MICAL3: variants seen among roughly 807,000 people sequenced by gnomAD.
MICAL3 encodes microtubule associated monooxygenase, calponin and LIM domain containing 3, also known as [F-actin]-monooxygenase MICAL3.
MICAL3 carries 62 observed loss-of-function variants against 207.4 expected under a neutral mutation model. That is an observed-to-expected ratio of 0.30 (90% CI 0.24 to 0.37). MICAL3 has a LOEUF of 0.37. Among genes scored for constraint, MICAL3 ranks in the 10% least tolerant of loss-of-function variants. The probability of loss-of-function intolerance (pLI) is 1.00; values close to 1 mark genes in which losing one functional copy is unlikely to be tolerated. For missense variants in MICAL3, 2,368 were observed against 2,635.6 expected, an observed-to-expected ratio of 0.90 and a Z score of 2.22; for synonymous variants, 1,077 against 1,069.3, an observed-to-expected ratio of 1.01 and a Z score of -0.14.
Position 17,790,751 on chromosome 22 carries a change from A to C in MICAL3, c.5990T>G (p.Phe1997Cys). 1 of 1,606,242 alleles carries C rather than the reference A, an allele frequency of 6.2e-7. No individual in the cohort carries two copies. Among genetic ancestry groups the C allele is most frequent in the African/African-American group, 1.3e-5 (1 of 74,854 alleles). ...DLEAAMLSKG[F>C]SLNWS ...GGGAGCTCAGGACCAGTTAAGGCTG[A>C]AGCCCTTGGACAGCATGGCAGCCTC... is the stretch of plus-strand genomic sequence containing the variant. The change falls in exon 32 of 32, where the codon TTC becomes TGC. Residue 1997 changes from phenylalanine (F) to cysteine (C), a missense_variant. Physicochemically the swap from Phe to Cys is radical, Grantham distance 205 (BLOSUM62 -2). Around this residue, in one of 4 missense-constraint regions of MICAL3, gnomAD observed 1,770 missense variants for 1,863.2 expected, o/e 0.95. Transcript: ENST00000441493.
intron 17 of MICAL3, among the ~76,000 whole-genome samples, chr22:17,866,651 AATAGAATAGAATAGAAT>A (rs1474063122): frequency 6.6e-6 from 1 of 150,670 alleles, no homozygotes; most frequent in East Asian, 2.0e-4. Flanking sequence ...AATAGAATAG[AATAGAATAGAATAGAAT>A]ATAGAATAGA....
chr22:17,950,605 G>A (rs981422510), intron 1 of MICAL3, among the ~76,000 whole-genome samples: 1 of 152,136 alleles, frequency 6.6e-6, no homozygotes, highest in Non-Finnish European at 1.5e-5. Context: ...CCAAAGTGCT[G>A]GGATTACAGG....
At chr22:17,800,820 T>C (rs1601925983) in intron 29 of MICAL3, among the ~76,000 whole-genome samples, 2 of 152,170 alleles carry the variant, frequency 1.3e-5, no homozygotes, top group African/African-American at 4.8e-5. Context: ...AAAGGGTGAT[T>C]TTCCCTCCAA....
At chr22:17,988,838 G>C (rs984323758) in intron 1 of MICAL3, among the ~76,000 whole-genome samples, 3 of 152,126 alleles carry the variant, frequency 2.0e-5, no homozygotes, top group Admixed American at 1.3e-4. Flanking sequence ...TAAAATTTAA[G>C]TTTCAGAGGC....
At chr22:17,926,580 C>T (rs940440923) in intron 1 of MICAL3, among the ~76,000 whole-genome samples, 12 of 152,192 alleles carry the variant, frequency 7.9e-5, no homozygotes, top group Admixed American at 2.0e-4. Context: ...CAAAATAGAA[C>T]CCCATCTTCC....
chr22:17,854,503 GACCA>G (rs1288610754), intron 19 of MICAL3, among the ~76,000 whole-genome samples: 1 of 152,082 alleles, frequency 6.6e-6, no homozygotes, highest in African/African-American at 2.4e-5. Context: ...GTACATGGAG[GACCA>G]ACCGAGAACT....
At chr22:17,914,829 C>A (rs2146285155) in intron 1 of MICAL3, among the ~76,000 whole-genome samples, 1 of 152,330 alleles carries the variant, frequency 6.6e-6, no homozygotes, top group Non-Finnish European at 1.5e-5. Context: ...AGTTGGCATT[C>A]TGCGGCAGGC....
intron 1 of MICAL3, among the ~76,000 whole-genome samples, chr22:17,962,026 T>C (rs1322262661): frequency 6.6e-6 from 1 of 152,108 alleles, no homozygotes; most frequent in Non-Finnish European, 1.5e-5. Context: ...GAAAAATGGG[T>C]TCAAAATGAG....
At chr22:17,825,640 G>A (rs1922098194) in intron 22 of MICAL3, among the ~76,000 whole-genome samples, 1 of 152,218 alleles carries the variant, frequency 6.6e-6, no homozygotes, top group Non-Finnish European at 1.5e-5. Context: ...CCGCATCCCA[G>A]AAGTGACCGC....
chr22:18,017,139 C>G (rs1325906863), intron 1 of MICAL3, among the ~76,000 whole-genome samples: 1 of 152,168 alleles, frequency 6.6e-6, no homozygotes, highest in Non-Finnish European at 1.5e-5. Flanking sequence ...GTCCTTGAGT[C>G]TCTGCCTCTC....
At chr22:18,019,374 T>C in intron 1 of MICAL3, 1 of 155,632 alleles carries the variant, frequency 6.4e-6, no homozygotes. Context: ...ATTATGTCGG[T>C]TGGAAATAAG....
intron 1 of MICAL3, among the ~76,000 whole-genome samples, chr22:17,944,841 A>G (rs1479006632): frequency 6.6e-6 from 1 of 152,146 alleles, no homozygotes; most frequent in African/African-American, 2.4e-5. Context: ...AGATGGGAGA[A>G]GAGGCTGAGG....
At chr22:17,905,580 T>C (rs1256022061) in intron 2 of MICAL3, among the ~76,000 whole-genome samples, 1 of 152,224 alleles carries the variant, frequency 6.6e-6, no homozygotes, top group Non-Finnish European at 1.5e-5. Flanking sequence ...ATTTTGCTGA[T>C]GAATATCTAC....
At chr22:17,795,401 C>T (rs768218681) in intron 29 of MICAL3, among the ~76,000 whole-genome samples, 2 of 152,184 alleles carry the variant, frequency 1.3e-5, no homozygotes, top group South Asian at 2.1e-4. Context: ...TGCTGTGGAG[C>T]GGAACAGCGC....
chr22:18,013,495 C>T (rs1923870258), intron 1 of MICAL3, among the ~76,000 whole-genome samples: 2 of 152,198 alleles, frequency 1.3e-5, no homozygotes, highest in Admixed American at 1.3e-4. Flanking sequence ...CCAAGTCTGT[C>T]TGATGTGGGG....
At chr22:17,866,148 C>T (rs553833807) in intron 17 of MICAL3, 136 bp from the exon 18 acceptor site, 2 of 688,430 alleles carry the variant, frequency 2.9e-6, no homozygotes, top group Admixed American at 2.1e-5. Flanking sequence ...TCCCTGGGCC[C>T]AGCTTTCTTG....
intron 16 of MICAL3, among the ~76,000 whole-genome samples, chr22:17,874,488 CTGAACTAAACCATCTGGGTTTAGT>C (rs973030775): frequency 4.2e-4 from 64 of 152,314 alleles, no homozygotes; most frequent in African/African-American, 1.2e-3. Context: ...CCCTTTTCTC[CTGAACTAAACCATCTGGGTTTAGT>C]TGAACTAAAC....
chr22:17,911,543 G>A (rs118186439), intron 1 of MICAL3, among the ~76,000 whole-genome samples: 1,849 of 152,106 alleles, frequency 0.012, 20 homozygotes, highest in South Asian at 0.023. Context: ...TCTTGAAAGC[G>A]GGTGGAAGGC....
rs746178706 is a variant in MICAL3, at chr22:17,818,167, G to C, written c.4494C>G (p.Pro1498=). ...CTCTGGGGGGCTGAGCAGGCTCCCG[G>C]GGGGGCCGCATCCAGGTGGCGGGCA... ...PPLPATWMRP[P]REPAQPPREE... The change falls in exon 26 of 32, where the codon CCC becomes CCG. Residue 1498 remains proline (P), a synonymous_variant. Transcript: ENST00000441493. The C allele has an allele frequency of 1.9e-5, 30 of 1,594,654 alleles. No homozygotes were observed. Among genetic ancestry groups the C allele is most frequent in the Non-Finnish European group, 1.4e-5 (17 of 1,173,086 alleles).
Sources: allele counts gnomAD v4.1 joint callset (sites outside exome capture counted in the v4.1 genomes callset), GRCh38; gene constraint gnomAD v4.1.1; regional missense constraint gnomAD v4.1.1; transcripts MANE v1.5; gene names NCBI Gene and HGNC (gene_info 2026-07-23, HGNC 2026-07-21).